KCNMB2: variants seen among roughly 807,000 people sequenced by gnomAD.
KCNMB2 encodes potassium calcium-activated channel subfamily M regulatory beta subunit 2.
In KCNMB2, 9 loss-of-function variants were observed where a neutral mutation model predicts 24.5. The ratio of observed to expected loss-of-function variants is 0.37; its 90% CI spans 0.22 to 0.64. KCNMB2 has a LOEUF of 0.64. Ranked by LOEUF, KCNMB2 falls within the 30% of genes least tolerant of loss-of-function variation. KCNMB2 has a pLI of 0.63. For missense variants in KCNMB2, 226 were observed against 284.3 expected (o/e 0.79, Z 1.47); for synonymous variants, 109 against 104.4 (o/e 1.04, Z -0.27).
At chr3:178,560,869 AAAC>A (rs1225186718) in intron 1 of KCNMB2, among the ~76,000 whole-genome samples, 1 of 152,196 alleles carries the variant, frequency 6.6e-6, no homozygotes, top group Non-Finnish European at 1.5e-5. Flanking sequence ...CACAGCTGCT[AAAC>A]AACAGAACCA....
chr3:178,574,739 G>C (rs1716929957), intron 1 of KCNMB2, among the ~76,000 whole-genome samples: 1 of 152,174 alleles, frequency 6.6e-6, no homozygotes, highest in Admixed American at 6.5e-5. Context: ...GTTGCTCTAT[G>C]TGCTGGATGA....
At chr3:178,793,930 G>A (rs1341363290) in intron 1 of KCNMB2, among the ~76,000 whole-genome samples, 1 of 152,110 alleles carries the variant, frequency 6.6e-6, no homozygotes, top group East Asian at 1.9e-4. Flanking sequence ...AAACAAACAA[G>A]CAGAGACCTT....
intron 1 of KCNMB2, among the ~76,000 whole-genome samples, chr3:178,761,460 A>G (rs1165888649): frequency 6.6e-6 from 1 of 152,226 alleles, no homozygotes; most frequent in Non-Finnish European, 1.5e-5. Context: ...CTTACAGTCT[A>G]TCCACATCCT....
intron 1 of KCNMB2, among the ~76,000 whole-genome samples, chr3:178,739,792 A>C (rs1281160936): frequency 6.6e-6 from 1 of 152,202 alleles, no homozygotes; most frequent in African/African-American, 2.4e-5. Context: ...AAAGCATAAA[A>C]GAGATGAAGG....
At chr3:178,726,052 A>C (rs1722957693) in intron 1 of KCNMB2, among the ~76,000 whole-genome samples, 1 of 151,470 alleles carries the variant, frequency 6.6e-6, no homozygotes, top group African/African-American at 2.4e-5. Flanking sequence ...TTAATGCTTA[A>C]ATTTAATTTA....
chr3:178,790,677 T>C (rs575715025), intron 1 of KCNMB2, among the ~76,000 whole-genome samples: 2 of 152,190 alleles, frequency 1.3e-5, no homozygotes, highest in African/African-American at 4.8e-5. Flanking sequence ...TGGCTTTGGA[T>C]CCAGTCCAGT....
At chr3:178,784,933 T>C (rs1215445753) in intron 1 of KCNMB2, among the ~76,000 whole-genome samples, 1 of 151,398 alleles carries the variant, frequency 6.6e-6, no homozygotes, top group East Asian at 1.9e-4. Flanking sequence ...ACTCTTAATG[T>C]TGGCATCTGG....
intron 1 of KCNMB2, chr3:178,749,017 G>T (rs1469685606): frequency 1.3e-5 from 2 of 152,150 alleles, no homozygotes; most frequent in Non-Finnish European, 2.9e-5. Flanking sequence ...CTTTATTAAT[G>T]ACTTTCTTAA....
chr3:178,692,878 C>T (rs192901224), intron 1 of KCNMB2, among the ~76,000 whole-genome samples: 5 of 152,264 alleles, frequency 3.3e-5, no homozygotes, highest in Non-Finnish European at 5.9e-5. Flanking sequence ...TTCATATCCA[C>T]GAGCATGGAA....
chr3:178,653,848 A>T (rs956105043), intron 1 of KCNMB2, among the ~76,000 whole-genome samples: 1 of 152,160 alleles, frequency 6.6e-6, no homozygotes, highest in African/African-American at 2.4e-5. Context: ...AAATTGGCCT[A>T]TAATTTTCAT....
rs572000022 is a variant in KCNMB2, at chr3:178,641,586, T to C, written c.-68+104875T>C. On this transcript the variant is annotated intron_variant, in intron 1 of 4. Transcript: ENST00000452583. ...AGGGTTTCTTGTTGATTCTTTGAGATATTCTGCACACATAATCATATGTAT... is the reference window on the plus strand; with the variant it reads ...AGGGTTTCTTGTTGATTCTTTGAGACATTCTGCACACATAATCATATGTAT... Among the ~76,000 whole-genome samples, 14 of 152,328 alleles carry C rather than the reference T, an allele frequency of 9.2e-5. No individual in the cohort carries two copies. In the South Asian group the frequency reaches 1.4e-3, roughly 16 times the overall value.
At position 178,693,904 on chromosome 3, in the gene KCNMB2, T is replaced by C. The variant is rs185284213; in HGVS notation, c.-67-113439T>C. On this transcript the variant is annotated intron_variant, in intron 1 of 4. Transcript: ENST00000452583. ...TTTTTTTCTTTTTCTTTTTTTTTTT[T>C]AGTTAGTAGACTATTTATTACTGCC... Among the ~76,000 whole-genome samples the C allele has an allele frequency of 1.3e-4, 20 of 151,566 alleles. No homozygotes were observed. The East Asian group carries it at 3.7e-3, about 28-fold the overall frequency.
At chr3:178,733,350 G>A (rs185054235) in intron 1 of KCNMB2, among the ~76,000 whole-genome samples, 3 of 152,208 alleles carry the variant, frequency 2.0e-5, no homozygotes, top group African/African-American at 4.8e-5. Context: ...GAGAGGTCAC[G>A]AGAAGTCAAA....
chr3:178,758,018 T>C (rs374609827), intron 1 of KCNMB2, among the ~76,000 whole-genome samples: 1 of 1,598 alleles, frequency 6.3e-4, no homozygotes, highest in African/African-American at 1.3e-3. Context: ...TATATATATA[T>C]ATCTAGAGGA....
rs71181241 is a variant in KCNMB2 at position 178,691,107 on chromosome 3, CTTTT to C, written c.-67-116219_-67-116216del. On this transcript the variant is annotated intron_variant, in intron 1 of 4. Coordinates refer to ENST00000452583, the MANE Select transcript of KCNMB2 (RefSeq NM_181361.3). ...TGTACAGCATAATTCCCCATTAAGT[CTTTT>C]TTTTTTTTTTTTTTTTGATAGAGAC... Among the ~76,000 whole-genome samples, 61 of 79,736 alleles carry C rather than the reference CTTTT, an allele frequency of 7.7e-4. 2 individuals carry two copies. Among genetic ancestry groups the C allele is most frequent in the Middle Eastern group, 0.018 (2 of 114 alleles). 52.3% of individuals were successfully genotyped at this position (79,736 alleles called of 152,430 possible).
rs113330274 is a variant in KCNMB2 at position 178,743,007 on chromosome 3, C to A, written c.-67-64336C>A. ...GAGTCTGTGGCTGTTACAAGAAACA[C>A]TATTTTGAGGGAATACCAAGGCCTG... On this transcript the variant is annotated intron_variant, in intron 1 of 4. Coordinates refer to ENST00000452583, the MANE Select transcript of KCNMB2 (RefSeq NM_181361.3). Among the ~76,000 whole-genome samples, 11 of 152,202 alleles carry A rather than the reference C, an allele frequency of 7.2e-5. No homozygotes were observed. In the East Asian group the frequency reaches 1.7e-3, roughly 24 times the overall value.
intron 4 of KCNMB2, among the ~76,000 whole-genome samples, chr3:178,830,624 G>T (rs1040100309): frequency 6.6e-6 from 1 of 152,038 alleles, no homozygotes; most frequent in African/African-American, 2.4e-5. Context: ...GCCAACATTT[G>T]GTAATATCTG....
chr3:178,804,828 G>A (rs1713902995), intron 1 of KCNMB2, among the ~76,000 whole-genome samples: 1 of 152,228 alleles, frequency 6.6e-6, no homozygotes, highest in Non-Finnish European at 1.5e-5. Context: ...AAAGCAATCA[G>A]AGGATTCCAC....
chr3:178,696,890 T>C (rs1006440945), intron 1 of KCNMB2, among the ~76,000 whole-genome samples: 1 of 152,058 alleles, frequency 6.6e-6, no homozygotes, highest in African/African-American at 2.4e-5. Context: ...AAGGAAGTCA[T>C]TCAATTTACT....
Sources: allele counts gnomAD v4.1 joint callset (sites outside exome capture counted in the v4.1 genomes callset), GRCh38; gene constraint gnomAD v4.1.1; transcripts MANE v1.5; gene names NCBI Gene and HGNC (gene_info 2026-07-23, HGNC 2026-07-21).